Variants in RAP1GAP2 observed in about 807,000 individuals in gnomAD.
The protein encoded by RAP1GAP2 is RAP1 GTPase activating protein 2.
RAP1GAP2 carries 27 observed loss-of-function variants against 95.0 expected under a neutral mutation model. The ratio of observed to expected loss-of-function variants is 0.28; its 90% CI spans 0.21 to 0.39. The LOEUF (loss-of-function observed/expected upper bound fraction) is 0.39, where lower values mean the gene tolerates loss of function less well. Among genes scored for constraint, RAP1GAP2 ranks in the 10% least tolerant of loss-of-function variants. RAP1GAP2 has a pLI of 1.00. For synonymous variants in RAP1GAP2, 373 were observed against 380.9 expected, an observed-to-expected ratio of 0.98 and a Z score of 0.24; for missense variants, 771 against 970.0, an observed-to-expected ratio of 0.79 and a Z score of 2.72.
chr17:2,925,022 T>A (rs984805063), intron 3 of RAP1GAP2, among the ~76,000 whole-genome samples: 5 of 152,158 alleles, frequency 3.3e-5, no homozygotes, highest in Non-Finnish European at 5.9e-5. Context: ...GGATTCCAGA[T>A]GTGGTTTGGG....
At position 3,001,457 on chromosome 17, in the gene RAP1GAP2, AGCACCAG is replaced by A. The variant is rs1567879222; in HGVS notation, c.1200+3084_1200+3090del. 1.6e-4 allele frequency among the ~76,000 whole-genome samples: 14 copies of A among 86,068 alleles called. 2 individuals are homozygous for A. The highest frequency in any genetic ancestry group is 3.0e-4 in the African/African-American group (6 of 19,898). 56.5% of individuals were successfully genotyped at this position (86,068 alleles called of 152,430 possible). Reference sequence around the variant, plus strand: ...AGAAGAAGCAGGGAGTGCAGGTCCAAGCACCAGGCTGAAGTGAGGCTCGTGGAGGTAA... The same window carrying A: ...AGAAGAAGCAGGGAGTGCAGGTCCAAGCTGAAGTGAGGCTCGTGGAGGTAA... On this transcript the variant is annotated intron_variant, in intron 14 of 24. Coordinates refer to ENST00000254695, the MANE Select transcript of RAP1GAP2 (RefSeq NM_015085.5).
At chr17:2,781,628 CTGTG>C (rs2068652809) in intron 1 of RAP1GAP2, among the ~76,000 whole-genome samples, 2 of 147,170 alleles carry the variant, frequency 1.4e-5, no homozygotes, top group South Asian at 4.3e-4. Flanking sequence ...GAGCACGTCT[CTGTG>C]TGAGCACGTC....
At chr17:2,795,243 G>A (rs558674266), upstream of RAP1GAP2, among the ~76,000 whole-genome samples, 25 of 151,932 alleles carry the variant, frequency 1.6e-4, no homozygotes, top group African/African-American at 5.3e-4. Context: ...TGGGGGTAGG[G>A]TGGGGCCTGG....
intron 2 of RAP1GAP2, among the ~76,000 whole-genome samples, chr17:2,822,501 C>G (rs2070346224): frequency 6.6e-6 from 1 of 151,800 alleles, no homozygotes; most frequent in Admixed American, 6.6e-5. Flanking sequence ...GTGGTATGTG[C>G]CTGTAGTCTC....
chr17:2,951,614 A>G (rs1809384142), intron 3 of RAP1GAP2, among the ~76,000 whole-genome samples: 1 of 151,984 alleles, frequency 6.6e-6, no homozygotes, highest in African/African-American at 2.4e-5. Context: ...GCTACTTGGG[A>G]GGCTGGGGTG....
At chr17:2,926,730 C>T (rs747033376) in intron 3 of RAP1GAP2, among the ~76,000 whole-genome samples, 3 of 151,946 alleles carry the variant, frequency 2.0e-5, no homozygotes, top group South Asian at 4.2e-4. Context: ...AGGGGCTGGG[C>T]GCGATGGCTC....
At chr17:2,999,098 A>G (rs890722278) in intron 14 of RAP1GAP2, among the ~76,000 whole-genome samples, 2 of 152,174 alleles carry the variant, frequency 1.3e-5, no homozygotes, top group African/African-American at 4.8e-5. Flanking sequence ...CCTCCCAAGC[A>G]GTCACGGGTC....
At chr17:3,024,594 A>G (rs2047048351) in intron 19 of RAP1GAP2, among the ~76,000 whole-genome samples, 1 of 152,224 alleles carries the variant, frequency 6.6e-6, no homozygotes, top group Non-Finnish European at 1.5e-5. Context: ...AAATGAGTCC[A>G]CTAGTACAAC....
chr17:3,004,422 C>T lies in RAP1GAP2; in HGVS notation c.1201-947C>T, dbSNP rs376438041. On this transcript the variant is annotated intron_variant, in intron 14 of 24. Transcript: ENST00000254695. This position sits in a 1 kb window ranked among gnomAD's most constrained non-coding sequence, Gnocchi z 4.1. ...TCTGCATCTGCTCCACTTCACAGGC[C>T]GGGGAGGCTGGCAGCACGCCAGGGC... Among the ~76,000 whole-genome samples the T allele has an allele frequency of 4.8e-3, 733 of 152,046 alleles. 14 individuals are homozygous for T. Among genetic ancestry groups the T allele is most frequent in the South Asian group, 0.035 (167 of 4,770 alleles).
intron 2 of RAP1GAP2, among the ~76,000 whole-genome samples, chr17:2,898,478 C>T (rs2041914153): frequency 6.6e-6 from 1 of 152,216 alleles, no homozygotes; most frequent in Non-Finnish European, 1.5e-5. Context: ...CTGGCCCCAG[C>T]ACAGGCATGA....
At chr17:2,850,815 A>ACTTGGGAG (rs1328961017) in intron 2 of RAP1GAP2, among the ~76,000 whole-genome samples, 1 of 150,544 alleles carries the variant, frequency 6.6e-6, no homozygotes, top group African/African-American at 2.5e-5. Context: ...TAATCCCAGA[A>ACTTGGGAG]CTTGGGAGGC....
intron 2 of RAP1GAP2, among the ~76,000 whole-genome samples, chr17:2,852,874 G>GCGACCTTC (rs934379880): frequency 2.7e-4 from 41 of 152,216 alleles, no homozygotes; most frequent in Admixed American, 5.9e-4. Context: ...AGGAGCCGGC[G>GCGACCTTC]CGACCTTCCG....
chr17:2,904,081 G>T lies in RAP1GAP2; in HGVS notation c.81-1203G>T, dbSNP rs971739807. On this transcript the variant is annotated intron_variant, in intron 2 of 24. Transcript: ENST00000254695. The surrounding 1 kb of genome is among the most constrained non-coding windows in gnomAD (Gnocchi z 4.7). ...GACTCTCTCTGCTGCTTCAGAGCGG[G>T]GCTGTAGAGGAGGACACACTTGTAA... 6.6e-6 allele frequency among the ~76,000 whole-genome samples: 1 copy of T among 152,170 alleles called. No homozygotes were observed. Among genetic ancestry groups the T allele is most frequent in the Non-Finnish European group, 1.5e-5 (1 of 68,036 alleles).
In RAP1GAP2 at chr17:3,018,078, C is replaced by A; in HGVS notation, c.1512C>A (p.Arg504=). 1 of 1,590,998 alleles carries A rather than the reference C, an allele frequency of 6.3e-7. No homozygotes were observed. The highest frequency in any genetic ancestry group is 8.6e-7 in the Non-Finnish European group (1 of 1,169,226). Residue 504 remains arginine, a synonymous_variant, in exon 18 of 25, where the codon CGC becomes CGA. Coordinates refer to ENST00000254695, the MANE Select transcript of RAP1GAP2 (RefSeq NM_015085.5). ...CCCCGTAGAGGGCCATCCGCGTACGCAGCCACTCCATGGAGACCATGGTGG... is the reference window on the plus strand; with the variant it reads ...CCCCGTAGAGGGCCATCCGCGTACGAAGCCACTCCATGGAGACCATGGTGG... ...LESFKRAIRV[R]SHSMETMVGG...
intron 1 of RAP1GAP2, among the ~76,000 whole-genome samples, chr17:2,786,775 A>G (rs1259725757): frequency 2.0e-5 from 3 of 151,212 alleles, no homozygotes; most frequent in Non-Finnish European, 4.4e-5. Flanking sequence ...TCTCCTGAGT[A>G]GCTGGGATTA....
chr17:2,942,421 CGTTTGG>C (rs2043531649), intron 3 of RAP1GAP2, among the ~76,000 whole-genome samples: 2 of 152,066 alleles, frequency 1.3e-5, no homozygotes, highest in African/African-American at 4.8e-5. Flanking sequence ...AGAATGATTA[CGTTTGG>C]TCCACATAGA....
intron 10 of RAP1GAP2, among the ~76,000 whole-genome samples, chr17:2,982,019 C>A (rs188796085): frequency 2.3e-4 from 35 of 152,326 alleles, no homozygotes; most frequent in Admixed American, 1.2e-3. Flanking sequence ...GCGGCTGAGG[C>A]CTGCTGGGAC....
chr17:2,948,680 G>C (rs1187633486), intron 3 of RAP1GAP2, among the ~76,000 whole-genome samples: 1 of 149,834 alleles, frequency 6.7e-6, no homozygotes, highest in African/African-American at 2.5e-5. Context: ...AGGGCACAGG[G>C]TGGTGATGAG....
chr17:2,947,109 A>C (rs1204715568), intron 3 of RAP1GAP2, among the ~76,000 whole-genome samples: 2 of 152,214 alleles, frequency 1.3e-5, no homozygotes, highest in Non-Finnish European at 2.9e-5. Flanking sequence ...GCACTGCCAC[A>C]CTTAACAGAG....
Sources: allele counts gnomAD v4.1 joint callset (sites outside exome capture counted in the v4.1 genomes callset), GRCh38; gene constraint gnomAD v4.1.1; non-coding constraint Gnocchi (gnomAD v3.1); transcripts MANE v1.5; gene names NCBI Gene and HGNC (gene_info 2026-07-23, HGNC 2026-07-21).